PPP6R3: variants seen among roughly 807,000 people sequenced by gnomAD.
PPP6R3 encodes the protein serine/threonine-protein phosphatase 6 regulatory subunit 3.
PPP6R3 carries 38 observed loss-of-function variants against 110.7 expected under a neutral mutation model. That is an observed-to-expected ratio of 0.34 (90% CI 0.26 to 0.45). The LOEUF (loss-of-function observed/expected upper bound fraction) is 0.45. PPP6R3 is among the 20% of genes least tolerant of loss of function. PPP6R3 has a pLI of 1.00. For synonymous variants in PPP6R3, 369 were observed against 373.5 expected (o/e 0.99, Z 0.14); for missense variants, 870 against 1,062.4 (o/e 0.82, Z 2.52).
chr11:68,611,837 C>T (rs1943582285), intron 23 of PPP6R3, among the ~76,000 whole-genome samples: 1 of 152,202 alleles, frequency 6.6e-6, no homozygotes, highest in African/African-American at 2.4e-5. Flanking sequence ...GATATTGAAG[C>T]TCACCCGTCT....
chr11:68,584,913 T>G (rs2099573450), intron 15 of PPP6R3, among the ~76,000 whole-genome samples: 1 of 152,240 alleles, frequency 6.6e-6, no homozygotes, highest in South Asian at 2.1e-4. Flanking sequence ...CCAAAGCACT[T>G]CTTAAAATTT....
rs112476002 is a variant in PPP6R3, at chr11:68,563,990, G to A, written c.846-313G>A. 4.0e-3 allele frequency among the ~76,000 whole-genome samples: 610 copies of A among 152,186 alleles called. 2 individuals carry two copies. Among genetic ancestry groups the A allele is most frequent in the African/African-American group, 0.014 (581 of 41,516 alleles). ...ATAATCCAGAGGTTGGATCCCTTTCGCTTTCCAAATTTCCTGGTCACTTAG... is the reference window on the plus strand; with the variant it reads ...ATAATCCAGAGGTTGGATCCCTTTCACTTTCCAAATTTCCTGGTCACTTAG... On this transcript the variant is annotated intron_variant, in intron 8 of 23. Coordinates refer to ENST00000393800, the MANE Select transcript of PPP6R3 (RefSeq NM_001164161.2).
chr11:68,583,152 C>T, intron 15 of PPP6R3, 23 bp downstream of exon 15: 1 of 1,480,060 alleles, frequency 6.8e-7, no homozygotes, highest in Non-Finnish European at 9.1e-7. Context: ...TAAAGCTTTG[C>T]TTTTTGTTTT....
At chr11:68,493,583 C>T (rs1348988433) in intron 1 of PPP6R3, among the ~76,000 whole-genome samples, 1 of 144,684 alleles carries the variant, frequency 6.9e-6, no homozygotes, top group Non-Finnish European at 1.5e-5. Flanking sequence ...AGGTGTGAGC[C>T]ATCATGCTTG....
intron 1 of PPP6R3, among the ~76,000 whole-genome samples, chr11:68,501,868 A>G (rs2099050577): frequency 6.6e-6 from 1 of 152,224 alleles, no homozygotes; most frequent in Non-Finnish European, 1.5e-5. Flanking sequence ...GTCATACAGT[A>G]AGTCCTCACT....
rs2099591807 is a variant in PPP6R3 at position 68,590,513 on chromosome 11, T to C, written c.1731-147T>C. ...TACCAAGGGAGCTGGCATCATTTAA[T>C]ATAAGAAGGTTGTTTCTGTTTGTTT... On this transcript the variant is annotated intron_variant, in intron 16 of 23. Coordinates refer to ENST00000393800, the MANE Select transcript of PPP6R3 (RefSeq NM_001164161.2). The C allele has an allele frequency of 3.4e-6, 3 of 875,164 alleles. No individual in the cohort carries two copies. In the African/African-American group the frequency reaches 5.1e-5, roughly 15 times the overall value. The allele number at this position is 875,164 out of a possible 1,614,324, so 54.2% of individuals were successfully genotyped here.
intron 3 of PPP6R3, among the ~76,000 whole-genome samples, chr11:68,542,398 T>TG (rs2099323460): frequency 8.9e-6 from 1 of 111,746 alleles, no homozygotes; most frequent in Non-Finnish European, 1.8e-5. Context: ...TGTTTTTTTT[T>TG]TTTTTTTTTT....
At chr11:68,564,752 C>T (rs181506716) in intron 9 of PPP6R3, among the ~76,000 whole-genome samples, 4 of 152,242 alleles carry the variant, frequency 2.6e-5, no homozygotes, top group Non-Finnish European at 2.9e-5. Flanking sequence ...CTTTCAGAAA[C>T]GGATCTTTGA....
chr11:68,477,462 T>C (rs1444705022), intron 1 of PPP6R3, among the ~76,000 whole-genome samples: 1 of 152,036 alleles, frequency 6.6e-6, no homozygotes, highest in Non-Finnish European at 1.5e-5. Context: ...GACTTATGCC[T>C]GTTATCCCGA....
rs939107030 is a variant in PPP6R3, at chr11:68,614,300, A to G, written c.*1183A>G. ...ATGTAATTTATAATTTTCTATGTCA[A>G]TACAAAAATACATCACAGCCTTCTC... On this transcript the variant is annotated 3_prime_UTR_variant, in exon 24 of 24. Coordinates refer to ENST00000393800, the MANE Select transcript of PPP6R3 (RefSeq NM_001164161.2). 1.5e-5 allele frequency: 16 copies of G among 1,050,938 alleles called. No homozygotes were observed. The highest frequency in any genetic ancestry group is 5.3e-5 in the Admixed American group (1 of 18,710). 65.1% of individuals were successfully genotyped at this position (1,050,938 alleles called of 1,614,324 possible).
intron 22 of PPP6R3, chr11:68,609,673 C>T (rs1000389945): frequency 5.1e-6 from 8 of 1,566,260 alleles, no homozygotes; most frequent in African/African-American, 2.7e-5. Flanking sequence ...ACGCCAGCCA[C>T]ATTACATTGT....
At chr11:68,469,321 A>G (rs1300165887) in intron 1 of PPP6R3, among the ~76,000 whole-genome samples, 2 of 152,194 alleles carry the variant, frequency 1.3e-5, no homozygotes, top group Admixed American at 6.5e-5. Context: ...TTTTTGAGAT[A>G]GAGTCCCAGG....
At chr11:68,566,686 G>A (rs780553365) in intron 9 of PPP6R3, among the ~76,000 whole-genome samples, 68 of 152,010 alleles carry the variant, frequency 4.5e-4, no homozygotes, top group Non-Finnish European at 8.7e-4. Flanking sequence ...TTAGATTTCT[G>A]GTCAGATTTT....
At chr11:68,494,801 A>T (rs1321474106) in intron 1 of PPP6R3, among the ~76,000 whole-genome samples, 1 of 151,946 alleles carries the variant, frequency 6.6e-6, no homozygotes, top group African/African-American at 2.4e-5. Flanking sequence ...TATTGTCTGG[A>T]TCTTAACGGC....
chr11:68,518,067 A>G (rs1403812326), intron 1 of PPP6R3, among the ~76,000 whole-genome samples: 1 of 152,244 alleles, frequency 6.6e-6, no homozygotes, highest in Non-Finnish European at 1.5e-5. Flanking sequence ...GTAGAGCCTC[A>G]AAAACCTCAT....
At chr11:68,568,364 A>G (rs753182372) in intron 10 of PPP6R3, among the ~76,000 whole-genome samples, 1 of 152,202 alleles carries the variant, frequency 6.6e-6, no homozygotes, top group Non-Finnish European at 1.5e-5. Context: ...CTTTAGGACT[A>G]CTTCTGATGA....
At chr11:68,462,810 C>T (rs1165157602) in intron 1 of PPP6R3, among the ~76,000 whole-genome samples, 2 of 152,166 alleles carry the variant, frequency 1.3e-5, no homozygotes, top group African/African-American at 4.8e-5. Context: ...GTTGTGTTTA[C>T]TTGGGACTTG....
chr11:68,550,345 G>T (rs988160084), intron 5 of PPP6R3, among the ~76,000 whole-genome samples: 8 of 152,226 alleles, frequency 5.3e-5, no homozygotes, highest in Admixed American at 5.2e-4. Context: ...CCCGCTGCCC[G>T]CCCTAGTCTC....
At chr11:68,467,103 T>C (rs10896326) in intron 1 of PPP6R3, among the ~76,000 whole-genome samples, 57,219 of 152,206 alleles carry the variant, frequency 0.38, 11,830 homozygotes, top group African/African-American at 0.54. Context: ...GAGTAGAGGC[T>C]ATTTACTAAT....
Sources: allele counts gnomAD v4.1 joint callset (sites outside exome capture counted in the v4.1 genomes callset), GRCh38; gene constraint gnomAD v4.1.1; transcripts MANE v1.5; gene names NCBI Gene and HGNC (gene_info 2026-07-23, HGNC 2026-07-21).